Variants in CCDC80 observed in about 807,000 individuals in gnomAD.
CCDC80 encodes coiled-coil domain containing 80, also known as coiled-coil domain-containing protein 80.
CCDC80 carries 49 observed loss-of-function variants against 78.7 expected under a neutral mutation model. The observed-to-expected ratio is 0.62, with a 90% CI of 0.50 to 0.79. CCDC80 has a LOEUF of 0.79. Ranked by LOEUF, CCDC80 falls within the 30% of genes least tolerant of loss-of-function variation. The pLI is 0.00. For missense variants in CCDC80, 1,205 were observed against 1,198.6 expected, an observed-to-expected ratio of 1.01 and a Z score of -0.08; for synonymous variants, 488 against 447.0, an observed-to-expected ratio of 1.09 and a Z score of -1.16.
chr3:112,614,514 G>A (rs905549900), intron 5 of CCDC80, among the ~76,000 whole-genome samples: 9 of 151,856 alleles, frequency 5.9e-5, no homozygotes, highest in African/African-American at 1.9e-4. Context: ...TAATACCCCC[G>A]AGACCAGACA....
intron 3 of CCDC80, among the ~76,000 whole-genome samples, chr3:112,619,596 T>C (rs1323026809): frequency 1.3e-5 from 2 of 152,166 alleles, no homozygotes; most frequent in Non-Finnish European, 2.9e-5. Flanking sequence ...TAGAGAAAAA[T>C]AGAGTTTCTG....
chr3:112,622,066 T>TA (rs1010830012), intron 3 of CCDC80, among the ~76,000 whole-genome samples: 1 of 152,154 alleles, frequency 6.6e-6, no homozygotes, highest in African/African-American at 2.4e-5. Context: ...AGGTTAATGA[T>TA]AGAGTGAGGT....
chr3:112,605,439 T>C lies in CCDC80; in HGVS notation c.2831A>G (p.Tyr944Cys), dbSNP rs779780816. ...YQDDYRHHES[Y>C]HHGYPY ...TGCTCAGTAAGGGTATCCATGGTGA[T>C]AACTCTCATGATGACGGTAGTCATC... Residue 944 changes from tyrosine (Y) to cysteine (C), a missense_variant, in exon 8 of 8, where the codon TAT becomes TGT. Tyr to Cys is a radical substitution (Grantham distance 194, BLOSUM62 -2). Transcript: ENST00000206423. 6.2e-7 allele frequency: 1 copy of C among 1,613,494 alleles called. No individual in the cohort carries two copies. The highest frequency in any genetic ancestry group is 2.2e-5 in the East Asian group (1 of 44,888).
In CCDC80 at chr3:112,606,419, TTTTG is replaced by T. The variant is rs1202471511; in HGVS notation, c.2507-660_2507-657del. Among the ~76,000 whole-genome samples, 439 of 151,668 alleles carry T rather than the reference TTTTG, an allele frequency of 2.9e-3. 1 individual carries two copies. Among genetic ancestry groups the T allele is most frequent in the African/African-American group, 9.6e-3 (396 of 41,068 alleles). ...TCTTTTTTTGTTTTGTTTTGTTTTGTTTTGTTTTGTTTTGTTTTGTTTTTGAGAT... is the reference window on the plus strand; with the variant it reads ...TCTTTTTTTGTTTTGTTTTGTTTTGTTTTTGTTTTGTTTTGTTTTTGAGAT... On this transcript the variant is annotated intron_variant, in intron 7 of 7. Transcript: ENST00000206423.
chr3:112,631,140 T>C (rs562728682), intron 2 of CCDC80, among the ~76,000 whole-genome samples: 31 of 152,342 alleles, frequency 2.0e-4, no homozygotes, highest in African/African-American at 7.2e-4. Flanking sequence ...TCTTGAATCT[T>C]TTCTCTGAGA....
In CCDC80 at chr3:112,616,850, A is replaced by G; in HGVS notation, c.2181T>C (p.Tyr727=). Residue 727 remains tyrosine (Y), a synonymous_variant, in exon 5 of 8, where the codon TAT becomes TAC. Coordinates refer to ENST00000206423, the MANE Select transcript of CCDC80 (RefSeq NM_199511.3). ...CAGACTTCATTGTTATTGGTACCTC[A>G]TAGTATTGCTGTTTAAGAAAAAACA... ...TDVDLRVKQY[Y]EVPITMKSVF... The G allele has an allele frequency of 6.2e-7, 1 of 1,613,762 alleles. No individual in the cohort carries two copies. Among genetic ancestry groups the G allele is most frequent in the African/African-American group, 1.3e-5 (1 of 75,060 alleles).
Position 112,597,984 on chromosome 3 carries a change from T to C in CCDC80, c.*7433A>G, listed in dbSNP as rs1198647333. The C allele has an allele frequency of 1.3e-5, 2 of 152,212 alleles. No homozygotes were observed. The highest frequency in any genetic ancestry group is 4.8e-5 in the African/African-American group (2 of 41,450). The allele number at this position is 152,212 out of a possible 1,614,324, so 9.4% of individuals were successfully genotyped here. A position where few individuals can be genotyped will look rare whatever the true frequency, so the allele number is the denominator to read the frequency against. ...ATAAATACAATAAATGTTTGAATTA[T>C]CGTATAACTTGAGTCTAAATTTTAA... On this transcript the variant is annotated 3_prime_UTR_variant, in exon 8 of 8. Coordinates refer to ENST00000206423, the MANE Select transcript of CCDC80 (RefSeq NM_199511.3).
chr3:112,623,876 T>C (rs1935915343), intron 3 of CCDC80, among the ~76,000 whole-genome samples: 1 of 152,192 alleles, frequency 6.6e-6, no homozygotes, highest in African/African-American at 2.4e-5. Context: ...CACTCAACAT[T>C]TTGGCATTCT....
intron 5 of CCDC80, among the ~76,000 whole-genome samples, chr3:112,616,442 A>AAAAAG (rs1935747178): frequency 1.1e-5 from 1 of 90,572 alleles, no homozygotes; most frequent in Non-Finnish European, 2.1e-5. Context: ...GAGAAAAAAA[A>AAAAAG]AGAAAAGAAA....
intron 4 of CCDC80, among the ~76,000 whole-genome samples, 189 bp from the exon 5 acceptor site, chr3:112,617,047 C>T (rs1345322952): frequency 6.6e-6 from 1 of 152,154 alleles, no homozygotes; most frequent in Admixed American, 6.5e-5. Flanking sequence ...GAGTTGGAGT[C>T]CATAAAACAA....
chr3:112,619,163 G>T, intron 3 of CCDC80, 59 bp from the exon 4 acceptor site: 1 of 1,455,828 alleles, frequency 6.9e-7, no homozygotes, highest in Non-Finnish European at 9.1e-7. Flanking sequence ...TCATTGGGAG[G>T]TGAATGGGTG....
chr3:112,621,487 C>G (rs994112510), intron 3 of CCDC80, among the ~76,000 whole-genome samples: 1 of 152,198 alleles, frequency 6.6e-6, no homozygotes, highest in African/African-American at 2.4e-5. Flanking sequence ...CAAGCCCAGC[C>G]CAGATCAGCT....
intron 3 of CCDC80, among the ~76,000 whole-genome samples, chr3:112,629,371 A>G (rs1404519570): frequency 6.6e-6 from 1 of 152,102 alleles, no homozygotes; most frequent in African/African-American, 2.4e-5. Flanking sequence ...AAAGCCCTAG[A>G]GATGCAATAA....
rs1245964700 is a variant in CCDC80 at position 112,601,685 on chromosome 3, G to GAAAAA, written c.*3727_*3731dup. ...CAGAGTGAGACCCTCTCCAAAAAAA[G>GAAAAA]AAAAAAAAAAAGAGAAAAAAAAGAA... On this transcript the variant is annotated 3_prime_UTR_variant, in exon 8 of 8. Transcript: ENST00000206423. 4.1e-5 allele frequency: 3 copies of GAAAAA among 72,364 alleles called. No individual in the cohort carries two copies. Among genetic ancestry groups the GAAAAA allele is most frequent in the African/African-American group, 1.2e-4 (3 of 25,794 alleles). 4.5% of individuals were successfully genotyped at this position (72,364 alleles called of 1,614,324 possible).
rs1450619828 is a variant in CCDC80, at chr3:112,603,897, C to T, written c.*1520G>A. The T allele has an allele frequency of 6.6e-6, 1 of 152,078 alleles. No homozygotes were observed. Among genetic ancestry groups the T allele is most frequent in the African/African-American group, 2.4e-5 (1 of 41,406 alleles). 9.4% of individuals were successfully genotyped at this position (152,078 alleles called of 1,614,324 possible). A position where few individuals can be genotyped will look rare whatever the true frequency, so the allele number is the denominator to read the frequency against. ...GTCAAAATAGGAAGATCAATGAGTT[C>T]GGAAACTGATTCCATCCCTCATGGA... On this transcript the variant is annotated 3_prime_UTR_variant, in exon 8 of 8. Coordinates refer to ENST00000206423, the MANE Select transcript of CCDC80 (RefSeq NM_199511.3).
rs962646672 is a variant in CCDC80 at position 112,600,278 on chromosome 3, A to G, written c.*5139T>C. The G allele has an allele frequency of 1.3e-5, 2 of 152,200 alleles. No individual in the cohort carries two copies. The highest frequency in any genetic ancestry group is 2.1e-4 in the South Asian group (1 of 4,834). 9.4% of individuals were successfully genotyped at this position (152,200 alleles called of 1,614,324 possible). The stretch of plus-strand genomic sequence containing the variant: ...TTTATAGTCCTCCAAATGATGATCT[A>G]TGACTTCTCTGCCTGCTCATTAGAG... On this transcript the variant is annotated 3_prime_UTR_variant, in exon 8 of 8. Transcript: ENST00000206423.
At chr3:112,613,835 G>A (rs999518840) in intron 5 of CCDC80, among the ~76,000 whole-genome samples, 4 of 151,352 alleles carry the variant, frequency 2.6e-5, no homozygotes, top group African/African-American at 9.7e-5. Context: ...CAAAATTATA[G>A]TAATATAGTA....
At chr3:112,635,501 T>C (rs769048805) in intron 2 of CCDC80, among the ~76,000 whole-genome samples, 5 of 152,344 alleles carry the variant, frequency 3.3e-5, no homozygotes, top group Non-Finnish European at 7.4e-5. Flanking sequence ...GCACCAACAA[T>C]GTTTTTCACC....
intron 2 of CCDC80, among the ~76,000 whole-genome samples, chr3:112,636,769 T>C (rs1443904725): frequency 6.6e-6 from 1 of 152,226 alleles, no homozygotes; most frequent in African/African-American, 2.4e-5. Flanking sequence ...TTCAAGAGGA[T>C]GGGTGCTGCC....
Sources: allele counts gnomAD v4.1 joint callset (sites outside exome capture counted in the v4.1 genomes callset), GRCh38; gene constraint gnomAD v4.1.1; transcripts MANE v1.5; gene names NCBI Gene and HGNC (gene_info 2026-07-23, HGNC 2026-07-21).